STUM: variants seen among roughly 807,000 people sequenced by gnomAD.
STUM encodes protein stum homolog.
A neutral mutation model predicts 15.3 loss-of-function variants in STUM; 8 were observed. The observed-to-expected ratio is 0.52, with a 90% CI of 0.31 to 0.94. The LOEUF is 0.94. STUM is among the 40% of genes least tolerant of loss of function. STUM has a pLI of 0.05. For missense variants in STUM, 142 were observed against 204.9 expected (o/e 0.69, Z 1.87); for synonymous variants, 78 against 88.7 (o/e 0.88, Z 0.68).
At position 226,607,736 on chromosome 1, in the gene STUM, G is replaced by A. The variant is rs192572565; in HGVS notation, c.*5696G>A. The A allele has an allele frequency of 4.6e-5, 7 of 152,394 alleles. No homozygotes were observed. The highest frequency in any genetic ancestry group is 4.6e-4 in the Admixed American group (7 of 15,310). The allele number at this position is 152,394 out of a possible 1,614,324, so 9.4% of individuals were successfully genotyped here. Reference sequence around the variant, plus strand: ...AGTCATCTGGATTTGCATTTAGCTAGGGAAACTCGGCCCTCAAACCCTCTC... The same window carrying A: ...AGTCATCTGGATTTGCATTTAGCTAAGGAAACTCGGCCCTCAAACCCTCTC... On this transcript the variant is annotated 3_prime_UTR_variant, in exon 4 of 4. Coordinates refer to ENST00000366788, the MANE Select transcript of STUM (RefSeq NM_001003665.4).
At chr1:226,559,425 C>T (rs986983411) in intron 1 of STUM, among the ~76,000 whole-genome samples, 3 of 152,174 alleles carry the variant, frequency 2.0e-5, no homozygotes, top group African/African-American at 4.8e-5. Flanking sequence ...ACCCTGGCTT[C>T]GGGGCCTCCC....
At position 226,604,907 on chromosome 1, in the gene STUM, C is replaced by T. The variant is rs1668332394; in HGVS notation, c.*2867C>T. 1 of 152,310 alleles carries T rather than the reference C, an allele frequency of 6.6e-6. No individual in the cohort carries two copies. The highest frequency in any genetic ancestry group is 1.5e-5 in the Non-Finnish European group (1 of 68,128). 9.4% of individuals were successfully genotyped at this position (152,310 alleles called of 1,614,324 possible). A position where few individuals can be genotyped will look rare whatever the true frequency, so the allele number is the denominator to read the frequency against. ...CAGAGGCAATGAGATGCTCCCAGTA[C>T]CAAACTGTGACACTGGGATCAGGGT... On this transcript the variant is annotated 3_prime_UTR_variant, in exon 4 of 4. Transcript: ENST00000366788. This position sits in a 1 kb window ranked among gnomAD's most constrained non-coding sequence, Gnocchi z 4.7.
rs1211005841 is a variant in STUM, at chr1:226,608,318, G to C, written c.*6278G>C. The stretch of plus-strand genomic sequence containing the variant: ...TTGGATGTTTCAAGCAAGGGACAAG[G>C]TGATGGTGGCTGTAATAGGCTCCTC... On this transcript the variant is annotated 3_prime_UTR_variant, in exon 4 of 4. Transcript: ENST00000366788. This position sits in a 1 kb window ranked among gnomAD's most constrained non-coding sequence, Gnocchi z 4.0. The C allele has an allele frequency of 2.0e-5, 3 of 152,232 alleles. No individual in the cohort carries two copies. The highest frequency in any genetic ancestry group is 7.2e-5 in the African/African-American group (3 of 41,456). The allele number at this position is 152,232 out of a possible 1,614,324, so 9.4% of individuals were successfully genotyped here.
chr1:226,566,351 AT>A (rs973139751), intron 1 of STUM, among the ~76,000 whole-genome samples: 18 of 152,134 alleles, frequency 1.2e-4, no homozygotes, highest in South Asian at 4.2e-4. Flanking sequence ...GGTTCTTCTG[AT>A]TTTTTTCCCC....
intron 1 of STUM, among the ~76,000 whole-genome samples, chr1:226,576,250 G>T (rs1667812925): frequency 6.6e-6 from 1 of 152,224 alleles, no homozygotes; most frequent in Non-Finnish European, 1.5e-5. Context: ...GCTGGCTGGG[G>T]CTGTTGCTGG....
At position 226,602,086 on chromosome 1, in the gene STUM, T is replaced by TGCACCAGGCA. The variant is rs747934058; in HGVS notation, c.*49_*58dup. ...AGATCCAGGGGGGCCCTGTGAGGGC[T>TGCACCAGGCA]GCACCAGGCAGCTTTGGGCACAAGG... On this transcript the variant is annotated 3_prime_UTR_variant, in exon 4 of 4. Transcript: ENST00000366788. The TGCACCAGGCA allele has an allele frequency of 9.7e-6, 15 of 1,538,568 alleles. No individual in the cohort carries two copies. The East Asian group carries it at 3.4e-4, about 35-fold the overall frequency.
At position 226,600,550 on chromosome 1, in the gene STUM, T is replaced by G; in HGVS notation, c.383-116T>G. On this transcript the variant is annotated intron_variant, in intron 2 of 3. Transcript: ENST00000366788. This position sits in a 1 kb window ranked among gnomAD's most constrained non-coding sequence, Gnocchi z 5.2. ...CTGTCCCATCTCCCAGGCCTCACCA[T>G]GGATCTGCTTTGTTTCCTGTGCCAA... The G allele has an allele frequency of 6.6e-5, 85 of 1,286,502 alleles. No homozygotes were observed. Among genetic ancestry groups the G allele is most frequent in the Non-Finnish European group, 8.3e-5 (74 of 896,342 alleles). 79.7% of individuals were successfully genotyped at this position (1,286,502 alleles called of 1,614,324 possible).
In STUM at chr1:226,608,277, C is replaced by G. The variant is rs1668393160; in HGVS notation, c.*6237C>G. 6.6e-6 allele frequency: 1 copy of G among 152,200 alleles called. No individual in the cohort carries two copies. Among genetic ancestry groups the G allele is most frequent in the African/African-American group, 2.4e-5 (1 of 41,430 alleles). 9.4% of individuals were successfully genotyped at this position (152,200 alleles called of 1,614,324 possible). On this transcript the variant is annotated 3_prime_UTR_variant, in exon 4 of 4. Transcript: ENST00000366788. This position sits in a 1 kb window ranked among gnomAD's most constrained non-coding sequence, Gnocchi z 4.0. Reference sequence around the variant, plus strand: ...AGAGGGAGGTTCCATTCACCGTTTTCTGGGTTAGCGCTTGATTGGATGTTT... The same window carrying G: ...AGAGGGAGGTTCCATTCACCGTTTTGTGGGTTAGCGCTTGATTGGATGTTT...
intron 1 of STUM, among the ~76,000 whole-genome samples, chr1:226,564,170 T>C (rs375118558): frequency 8.5e-5 from 13 of 152,260 alleles, no homozygotes; most frequent in African/African-American, 2.6e-4. Context: ...GAGCCCACTG[T>C]GTGGTTTATT....
rs1460667733 is a variant in STUM, at chr1:226,606,605, CAG to C, written c.*4571_*4572del. ...GCTGGCTTTGCTGGAGGGCTTTTATCAGAGAGATTGGAGGTGGGAGAGCACTT... is the reference window on the plus strand; with the variant it reads ...GCTGGCTTTGCTGGAGGGCTTTTATCAGAGATTGGAGGTGGGAGAGCACTT... On this transcript the variant is annotated 3_prime_UTR_variant, in exon 4 of 4. Transcript: ENST00000366788. The C allele has an allele frequency of 2.0e-5, 3 of 152,202 alleles. No homozygotes were observed. The highest frequency in any genetic ancestry group is 2.9e-5 in the Non-Finnish European group (2 of 68,052). 9.4% of individuals were successfully genotyped at this position (152,202 alleles called of 1,614,324 possible). A position where few individuals can be genotyped will look rare whatever the true frequency, so the allele number is the denominator to read the frequency against.
At chr1:226,560,396 G>A (rs6426529) in intron 1 of STUM, among the ~76,000 whole-genome samples, 6,263 of 152,264 alleles carry the variant, frequency 0.041, 171 homozygotes, top group Middle Eastern at 0.1. Context: ...CGTCTCAGAA[G>A]ACAAAGCTCA....
At chr1:226,597,072 T>C (rs1016901145) in intron 2 of STUM, 91 bp downstream of exon 2, 181 of 1,241,302 alleles carry the variant, frequency 1.5e-4, no homozygotes, top group Middle Eastern at 4.0e-4. Context: ...GCCGAGGTCC[T>C]GCTCACCCGC....
rs918068432 is a variant in STUM, at chr1:226,548,946, G to T, written c.42G>T (p.Ala14=). 3 of 1,458,686 alleles carry T rather than the reference G, an allele frequency of 2.1e-6. No homozygotes were observed. The highest frequency in any genetic ancestry group is 2.7e-6 in the Non-Finnish European group (3 of 1,110,444). 90.4% of individuals were successfully genotyped at this position (1,458,686 alleles called of 1,614,324 possible). A position where few individuals can be genotyped will look rare whatever the true frequency, so the allele number is the denominator to read the frequency against. ...AAGACGCCGAGACGGCGGCGGCGGC[G>T]GCGGCGGTGGCGGCGGCGGACCCCC... is the stretch of plus-strand genomic sequence containing the variant. ...SHKDAETAAA[A]AAVAAADPRG... Residue 14 remains alanine, a synonymous_variant, in exon 1 of 4, where the codon GCG becomes GCT. Transcript: ENST00000366788.
chr1:226,591,726 T>G (rs551030684), intron 1 of STUM, among the ~76,000 whole-genome samples: 1 of 152,324 alleles, frequency 6.6e-6, no homozygotes, highest in East Asian at 1.9e-4. Flanking sequence ...TGCTCAAAAC[T>G]TTCATATACA....
chr1:226,589,330 C>T (rs1268659985), intron 1 of STUM, among the ~76,000 whole-genome samples: 1 of 152,206 alleles, frequency 6.6e-6, no homozygotes, highest in Non-Finnish European at 1.5e-5. Flanking sequence ...TCTTCTCGTG[C>T]CTGACAGCCA....
intron 3 of STUM, among the ~76,000 whole-genome samples, chr1:226,601,128 T>TTTTC (rs1553312874): frequency 6.6e-6 from 1 of 152,028 alleles, no homozygotes; most frequent in African/African-American, 2.4e-5. Flanking sequence ...TCGTTTTTTT[T>TTTTC]TTCTTCTTCT....
At chr1:226,601,641 C>A (rs1228689433) in intron 3 of STUM, among the ~76,000 whole-genome samples, 5 of 152,226 alleles carry the variant, frequency 3.3e-5, no homozygotes, top group Admixed American at 3.3e-4. Context: ...AGATGCCCAA[C>A]CTTCGGGGAA....
chr1:226,564,903 G>A (rs569054060), intron 1 of STUM, among the ~76,000 whole-genome samples: 2 of 152,290 alleles, frequency 1.3e-5, no homozygotes, highest in South Asian at 4.1e-4. Context: ...CCCTAGCAGA[G>A]GTGGGCAGGG....
intron 1 of STUM, among the ~76,000 whole-genome samples, chr1:226,574,317 C>T (rs1033521988): frequency 2.6e-5 from 4 of 152,184 alleles, no homozygotes; most frequent in African/African-American, 4.8e-5. Context: ...TTAGATTCCA[C>T]GTATAAGTGA....
Sources: allele counts gnomAD v4.1 joint callset (sites outside exome capture counted in the v4.1 genomes callset), GRCh38; gene constraint gnomAD v4.1.1; non-coding constraint Gnocchi (gnomAD v3.1); transcripts MANE v1.5; gene names NCBI Gene and HGNC (gene_info 2026-07-23, HGNC 2026-07-21).